SRBD1: variants seen among roughly 807,000 people sequenced by gnomAD.
SRBD1 encodes S1 RNA binding domain 1, also known as S1 RNA-binding domain-containing protein 1.
In SRBD1, 88 loss-of-function variants were observed where a neutral mutation model predicts 115.3. The ratio of observed to expected loss-of-function variants is 0.76; its 90% CI spans 0.64 to 0.91. The LOEUF (loss-of-function observed/expected upper bound fraction) is 0.91. Among genes scored for constraint, SRBD1 ranks in the 40% least tolerant of loss-of-function variants. The pLI is 0.00. For synonymous variants in SRBD1, 509 were observed against 407.7 expected (o/e 1.25, Z -2.99); for missense variants, 1,385 against 1,177.4 (o/e 1.18, Z -2.58).
In SRBD1 at chr2:45,608,395, T is replaced by C. The variant is rs1032748549; in HGVS notation, c.-1+2824A>G. 2.6e-5 allele frequency among the ~76,000 whole-genome samples: 4 copies of C among 152,294 alleles called. No individual in the cohort carries two copies. The South Asian group carries it at 6.2e-4, about 24-fold the overall frequency. ...AAGAATATATACAAAAGCTGAAGAC[T>C]TGGAAATTATGTCTTTAAAACTACC... On this transcript the variant is annotated intron_variant, in intron 1 of 20. Transcript: ENST00000263736.
intron 5 of SRBD1, among the ~76,000 whole-genome samples, chr2:45,582,265 T>C (rs1673388855): frequency 6.6e-6 from 1 of 152,218 alleles, no homozygotes; most frequent in South Asian, 2.1e-4. Context: ...TTGTAGAATG[T>C]CCTGCAGCTT....
intron 3 of SRBD1, among the ~76,000 whole-genome samples, chr2:45,600,772 C>T (rs372003868): frequency 2.6e-5 from 4 of 152,262 alleles, no homozygotes; most frequent in Admixed American, 6.5e-5. Context: ...GTCTGTTCTC[C>T]GTTACCTAAA....
At chr2:45,398,425 T>A (rs115547048) in intron 19 of SRBD1, among the ~76,000 whole-genome samples, 272 of 152,322 alleles carry the variant, frequency 1.8e-3, no homozygotes, top group Non-Finnish European at 2.9e-3. Context: ...ATGCAGTTTG[T>A]CTTCCAAAGG....
Position 45,579,925 on chromosome 2 carries a change from T to G in SRBD1, c.1022A>C (p.Glu341Ala). ...TAGCAGACTGAGCTCCCCTGGTTTC[T>G]CAAGCAGTGCCCTGGCTGCTCCTTC... is the stretch of plus-strand genomic sequence containing the variant. ...GLEGAARALL[E>A]KPGELSLLSY... The change falls in exon 7 of 21, where the codon GAG becomes GCG. Residue 341 changes from glutamate to alanine, a missense_variant. Glu to Ala is a moderately radical substitution (Grantham distance 107). Transcript: ENST00000263736. 6.2e-7 allele frequency: 1 copy of G among 1,610,414 alleles called. No homozygotes were observed. The highest frequency in any genetic ancestry group is 8.5e-7 in the Non-Finnish European group (1 of 1,178,274).
At chr2:45,605,887 G>C (rs62128610) in intron 1 of SRBD1, among the ~76,000 whole-genome samples, 54,293 of 145,968 alleles carry the variant, frequency 0.37, 10,814 homozygotes, top group Non-Finnish European at 0.46. Flanking sequence ...CTGGGCAACA[G>C]AGTGAGACTC....
At chr2:45,441,183 A>G (rs1668658788) in intron 16 of SRBD1, among the ~76,000 whole-genome samples, 1 of 152,036 alleles carries the variant, frequency 6.6e-6, no homozygotes, top group Admixed American at 6.5e-5. Flanking sequence ...GGAGTCAGAG[A>G]GTTAATATGG....
At chr2:45,552,226 A>G (rs1329217962) in intron 11 of SRBD1, among the ~76,000 whole-genome samples, 1 of 152,216 alleles carries the variant, frequency 6.6e-6, no homozygotes, top group Non-Finnish European at 1.5e-5. Flanking sequence ...AAACAAACCA[A>G]GTGGGAGTGT....
chr2:45,454,144 G>C (rs1275614783), intron 16 of SRBD1, among the ~76,000 whole-genome samples: 1 of 151,856 alleles, frequency 6.6e-6, no homozygotes, highest in East Asian at 1.9e-4. Flanking sequence ...ATAAAAGCAG[G>C]ATATTACAAT....
intron 14 of SRBD1, among the ~76,000 whole-genome samples, chr2:45,526,649 TAA>T (rs1354322775): frequency 1.3e-5 from 2 of 151,826 alleles, no homozygotes; most frequent in African/African-American, 2.4e-5. Flanking sequence ...AATAAATGAA[TAA>T]AGACTTCCAA....
At chr2:45,486,493 C>T (rs1250208159) in intron 15 of SRBD1, among the ~76,000 whole-genome samples, 1 of 151,776 alleles carries the variant, frequency 6.6e-6, no homozygotes. Flanking sequence ...TTTGGGAGGC[C>T]GAGGTGGGTG....
intron 14 of SRBD1, among the ~76,000 whole-genome samples, chr2:45,522,099 A>G (rs1269423653): frequency 6.6e-6 from 1 of 152,210 alleles, no homozygotes; most frequent in Non-Finnish European, 1.5e-5. Flanking sequence ...CCAAGTGTAC[A>G]TCAACAGACA....
In SRBD1 at chr2:45,504,376, TTA is replaced by T. The variant is rs745821329; in HGVS notation, c.1875-16047_1875-16046del. On this transcript the variant is annotated intron_variant, in intron 14 of 20. Transcript: ENST00000263736. ...TAGGGCATTTTTTCATCCAAATTCT[TTA>T]TGTTTTTTGCAATTCAAAAAGATTA... Among the ~76,000 whole-genome samples, 131 of 152,230 alleles carry T rather than the reference TTA, an allele frequency of 8.6e-4. No individual in the cohort carries two copies. In the Middle Eastern group the frequency reaches 0.01, roughly 12 times the overall value.
chr2:45,476,351 T>A (rs1468331566), intron 16 of SRBD1, among the ~76,000 whole-genome samples: 2 of 152,136 alleles, frequency 1.3e-5, no homozygotes, highest in African/African-American at 4.8e-5. Context: ...TACCTATCAT[T>A]CAAATCCCAT....
chr2:45,598,065 G>T (rs913142928), intron 4 of SRBD1, among the ~76,000 whole-genome samples: 1 of 152,194 alleles, frequency 6.6e-6, no homozygotes, highest in Non-Finnish European at 1.5e-5. Context: ...GCCTCTGTAG[G>T]CCTGGTCTGG....
At chr2:45,447,735 A>C (rs139623144) in intron 16 of SRBD1, 1 of 152,324 alleles carries the variant, frequency 6.6e-6, no homozygotes, top group East Asian at 1.9e-4. Flanking sequence ...CTTTTTATAC[A>C]CTTAGATAGT....
At chr2:45,543,186 T>C (rs1672001969) in intron 14 of SRBD1, among the ~76,000 whole-genome samples, 1 of 152,240 alleles carries the variant, frequency 6.6e-6, no homozygotes, top group Non-Finnish European at 1.5e-5. Context: ...TAACTGAGAC[T>C]CAGCATGGTT....
rs553872801 is a variant in SRBD1, at chr2:45,604,846, C to T, written c.80+516G>A. Among the ~76,000 whole-genome samples, 19 of 152,268 alleles carry T rather than the reference C, an allele frequency of 1.2e-4. No homozygotes were observed. In the South Asian group the frequency reaches 3.7e-3, roughly 30 times the overall value. ...TAAATATTACCAGTCATTTACTTAA[C>T]AAATATCTTCAGAGCACCTAATATG... On this transcript the variant is annotated intron_variant, in intron 2 of 20. Coordinates refer to ENST00000263736, the MANE Select transcript of SRBD1 (RefSeq NM_018079.5).
intron 16 of SRBD1, among the ~76,000 whole-genome samples, chr2:45,476,253 G>C (rs1251702614): frequency 6.6e-6 from 1 of 152,054 alleles, no homozygotes; most frequent in African/African-American, 2.4e-5. Flanking sequence ...GAGGGGGGTA[G>C]GGTTACATGA....
chr2:45,440,563 T>C (rs1558396251), intron 16 of SRBD1, among the ~76,000 whole-genome samples: 1 of 152,320 alleles, frequency 6.6e-6, no homozygotes, highest in Non-Finnish European at 1.5e-5. Context: ...TCATGACATA[T>C]GCATGAACAA....
Sources: gnomAD v4.1 joint callset for allele counts (sites outside exome capture counted in the v4.1 genomes callset) on GRCh38, gnomAD v4.1.1 for gene constraint, MANE v1.5 for transcripts, NCBI Gene and HGNC (gene_info 2026-07-23, HGNC 2026-07-21) for gene names.